The following BRD9 variants were observed in gnomAD, a reference collection of about 807,000 sequenced individuals.
BRD9 encodes bromodomain-containing protein 9.
A neutral mutation model predicts 68.7 loss-of-function variants in BRD9; 47 were observed. The ratio of observed to expected loss-of-function variants is 0.68; its 90% confidence interval spans 0.54 to 0.87. BRD9 has a LOEUF of 0.87. Ranked by LOEUF, BRD9 falls within the 40% of genes least tolerant of loss-of-function variation. The pLI is 0.00. For synonymous variants in BRD9, 313 were observed against 293.9 expected, an observed-to-expected ratio of 1.06 and a Z score of -0.67; for missense variants, 670 against 748.4, an observed-to-expected ratio of 0.90 and a Z score of 1.22.
chr5:876,348 G>A (rs1750927260), intron 11 of BRD9, 136 bp from the exon 12 acceptor site: 4 of 611,718 alleles, frequency 6.5e-6, no homozygotes, highest in Non-Finnish European at 8.6e-6. Flanking sequence ...GGTATTTTGT[G>A]GGGAGTGGCT....
chr5:876,951 G>C (rs1232821424), intron 11 of BRD9, among the ~76,000 whole-genome samples: 1 of 152,232 alleles, frequency 6.6e-6, no homozygotes. Flanking sequence ...AGAGGATCTG[G>C]GTGTCTGTGC....
Position 889,046 on chromosome 5 carries a change from T to A in BRD9, c.581A>T (p.Glu194Val), listed in dbSNP as rs1156717416. The A allele has an allele frequency of 6.2e-7, 1 of 1,609,618 alleles. No individual in the cohort carries two copies. Among genetic ancestry groups the A allele is most frequent in the Non-Finnish European group, 8.5e-7 (1 of 1,178,896 alleles). The change falls in exon 5 of 16, where the codon GAA (glutamate) becomes GTA (valine). Residue 194 changes from glutamate (E) to valine (V), a missense_variant. By Grantham distance (121) the Glu-to-Val change is moderately radical (BLOSUM62 -2). Transcript: ENST00000467963. The part of the protein sequence containing the change: ...GTMKDKIVAN[E>V]YKSVTEFKAD... ...CTTAAATTCCGTAACTGACTTGTAT[T>A]CATTAGCTACAATTTTGTCTTTCAT... is the stretch of plus-strand genomic sequence containing the variant.
intron 10 of BRD9, 66 bp from the exon 11 acceptor site, chr5:878,553 G>A (rs1489231967): frequency 1.7e-5 from 28 of 1,603,078 alleles, no homozygotes; most frequent in African/African-American, 4.0e-5. Flanking sequence ...GCCCCACCCC[G>A]CTTCTCCAGG....
At chr5:890,883 T>C (rs962097889) in intron 3 of BRD9, among the ~76,000 whole-genome samples, 1 of 152,226 alleles carries the variant, frequency 6.6e-6, no homozygotes, top group African/African-American at 2.4e-5. Context: ...TGTTTCTTTT[T>C]ATGAACGCTT....
chr5:889,619 T>C lies in BRD9; in HGVS notation c.429A>G (p.Gln143=), dbSNP rs1482435588. 1.9e-6 allele frequency: 3 copies of C among 1,612,352 alleles called. No individual in the cohort carries two copies. Among genetic ancestry groups the C allele is most frequent in the Non-Finnish European group, 2.5e-6 (3 of 1,179,444 alleles). The part of the protein sequence containing the change: ...PAENESTPIQ[Q]LLEHFLRQLQ... ...GCTGGCGGAGGAAGTGTTCCAGGAG[T>C]TGCTGAATAGGTGTGCTCTCATTTT... Residue 143 remains glutamine, a synonymous_variant, in exon 4 of 16, where the codon CAA becomes CAG. Transcript: ENST00000467963.
chr5:864,923 C>T (rs577705405), intron 15 of BRD9, among the ~76,000 whole-genome samples: 1 of 152,234 alleles, frequency 6.6e-6, no homozygotes, highest in Non-Finnish European at 1.5e-5. Context: ...GCACTGTTAA[C>T]ACCCTGATCA....
chr5:887,421 A>G lies in BRD9; in HGVS notation c.657T>C (p.Asp219=). ...CDNAMTYNRP[D]TVYYKLAKKI... is the part of the protein sequence containing the mutation. ...TCTTCGCCAACTTGTAGTACACGGT[A>G]TCTGGCCTATTGTATGTCATTGCAT... The change falls in exon 6 of 16, where the codon GAT becomes GAC. Residue 219 remains aspartate, a synonymous_variant. Transcript: ENST00000467963. The G allele has an allele frequency of 6.2e-7, 1 of 1,614,156 alleles. No individual in the cohort carries two copies. The highest frequency in any genetic ancestry group is 1.1e-5 in the South Asian group (1 of 91,084).
Position 889,652 on chromosome 5 carries a change from C to A in BRD9, c.401-5G>T, listed in dbSNP as rs1475777690. Reference sequence around the variant, plus strand: ...TAGGTGTGCTCTCATTTTCGGCTGACAATTTAAGGAAAAAAAAATTGAATA... The same window carrying A: ...TAGGTGTGCTCTCATTTTCGGCTGAAAATTTAAGGAAAAAAAAATTGAATA... On this transcript the variant is annotated splice_region_variant and splice_polypyrimidine_tract_variant and intron_variant, in intron 3 of 15. Transcript: ENST00000467963. 1 of 1,612,474 alleles carries A rather than the reference C, an allele frequency of 6.2e-7. No homozygotes were observed.
intron 4 of BRD9, 31 bp from the exon 5 acceptor site, chr5:889,196 A>T (rs1232063522): frequency 1.3e-6 from 2 of 1,594,214 alleles, no homozygotes; most frequent in Non-Finnish European, 1.7e-6. Context: ...AAGCGGAAAA[A>T]TCTAGATTTC....
At chr5:865,770 G>C in intron 14 of BRD9, 189 bp from the exon 15 acceptor site, 2 of 586,642 alleles carry the variant, frequency 3.4e-6, no homozygotes, top group East Asian at 3.1e-5. Flanking sequence ...TTAGCAGTGA[G>C]TGAAGGGAAG....
rs1358135046 is a variant in BRD9, at chr5:865,601, C to T, written c.1526-20G>A. Reference sequence around the variant, plus strand: ...CCTTCCCTGTGTAAACAGGACATGACCCCACGTCGGCTGAGCTCAGCCGGC... The same window carrying T: ...CCTTCCCTGTGTAAACAGGACATGATCCCACGTCGGCTGAGCTCAGCCGGC... On this transcript the variant is annotated intron_variant, in intron 14 of 15. Transcript: ENST00000467963. 9 of 1,570,652 alleles carry T rather than the reference C, an allele frequency of 5.7e-6. No individual in the cohort carries two copies. Among genetic ancestry groups the T allele is most frequent in the African/African-American group, 4.0e-5 (3 of 74,232 alleles).
intron 5 of BRD9, among the ~76,000 whole-genome samples, chr5:888,702 T>C (rs1752919667): frequency 6.6e-6 from 1 of 152,356 alleles, no homozygotes. Context: ...TTTTTAAAAA[T>C]GTCTAGTCTC....
rs974818177 is a variant in BRD9 at position 892,677 on chromosome 5, C to G, written c.-20G>C. On this transcript the variant is annotated 5_prime_UTR_variant, in exon 1 of 16. Coordinates refer to ENST00000467963, the MANE Select transcript of BRD9 (RefSeq NM_023924.5). ...GCCCATGGCGGCGCCGGCGGCGGGC[C>G]CGAGGCGGGGGCTGGGAACAGCTGG... 8.6e-6 allele frequency: 12 copies of G among 1,401,616 alleles called. No individual in the cohort carries two copies. Among genetic ancestry groups the G allele is most frequent in the Non-Finnish European group, 1.0e-5 (11 of 1,076,640 alleles). The allele number at this position is 1,401,616 out of a possible 1,614,324, so 86.8% of individuals were successfully genotyped here. A position where few individuals can be genotyped will look rare whatever the true frequency, so the allele number is the denominator to read the frequency against.
intron 5 of BRD9, 147 bp downstream of exon 5, chr5:888,874 A>T: frequency 1.2e-6 from 1 of 813,492 alleles, no homozygotes; most frequent in Non-Finnish European, 1.8e-6. Context: ...TCATTTCCTT[A>T]ATGCTGTGTC....
chr5:875,426 C>T (rs1394635393), intron 12 of BRD9, among the ~76,000 whole-genome samples: 1 of 151,686 alleles, frequency 6.6e-6, no homozygotes, highest in Admixed American at 6.6e-5. Flanking sequence ...CGGCTCACTG[C>T]AAGCTCTGCC....
intron 11 of BRD9, among the ~76,000 whole-genome samples, chr5:876,480 G>A (rs1750949921): frequency 6.6e-6 from 1 of 152,200 alleles, no homozygotes; most frequent in Non-Finnish European, 1.5e-5. Context: ...CGTGTGCTAT[G>A]TTATCATCTG....
At chr5:866,856 A>T (rs60299439) in intron 14 of BRD9, among the ~76,000 whole-genome samples, 33,785 of 152,186 alleles carry the variant, frequency 0.22, 8,419 homozygotes, top group African/African-American at 0.62. Flanking sequence ...GGAAGCAGAG[A>T]GTAAAAGTTT....
At chr5:872,624 T>C (rs1750315167) in intron 12 of BRD9, among the ~76,000 whole-genome samples, 2 of 152,174 alleles carry the variant, frequency 1.3e-5, no homozygotes, top group African/African-American at 4.8e-5. Flanking sequence ...CAGAGGGGGC[T>C]GCTCCTCAGA....
intron 8 of BRD9, 85 bp downstream of exon 8, chr5:883,853 A>T: frequency 6.5e-7 from 1 of 1,536,192 alleles, no homozygotes; most frequent in South Asian, 1.2e-5. Flanking sequence ...GCTGTGCTAG[A>T]TCACACAGCA....
Sources: gnomAD v4.1 joint callset for allele counts (sites outside exome capture counted in the v4.1 genomes callset) on GRCh38, gnomAD v4.1.1 for gene constraint, MANE v1.5 for transcripts, NCBI Gene and HGNC (gene_info 2026-07-23, HGNC 2026-07-21) for gene names.